Variants in HPRT1 observed in about 807,000 individuals in gnomAD.
HPRT1 encodes hypoxanthine-guanine phosphoribosyltransferase.
Under a neutral mutation model 19.0 loss-of-function variants are expected in HPRT1, and 4 were observed. The observed-to-expected ratio is 0.21, with a 90% CI of 0.10 to 0.48. The LOEUF is 0.48. Ranked by LOEUF, HPRT1 falls within the 20% of genes least tolerant of loss-of-function variation. The pLI is 0.98. For missense variants in HPRT1, 65 were observed against 164.0 expected (o/e 0.40, Z 3.30); for synonymous variants, 53 against 54.9 (o/e 0.97, Z 0.15).
At chrX:134,467,065 G>A (rs1326435432) in intron 1 of HPRT1, among the ~76,000 whole-genome samples, 1 of 13,563 alleles carries the variant, frequency 7.4e-5, no homozygotes, top group Non-Finnish European at 1.1e-4. Context: ...TTTTTTTTGT[G>A]ACGGAGTCTT....
At chrX:134,470,419 T>A (rs1267904034) in intron 1 of HPRT1, among the ~76,000 whole-genome samples, 1 of 112,132 alleles carries the variant, frequency 8.9e-6, no homozygotes, top group Non-Finnish European at 1.9e-5. Context: ...CTGAATTCCA[T>A]AAATAAGATT....
chrX:134,466,573 T>A (rs1253739657), intron 1 of HPRT1, among the ~76,000 whole-genome samples: 1 of 111,886 alleles, frequency 8.9e-6, no homozygotes, highest in Non-Finnish European at 1.9e-5. Context: ...TCCAAAACTG[T>A]GAGAAATAAG....
Position 134,490,041 on chromosome X carries a change from A to G in HPRT1, c.385-147A>G, listed in dbSNP as rs2077662556. 1.0e-5 allele frequency: 3 copies of G among 292,780 alleles called. No homozygotes were observed. The Admixed American group carries it at 1.8e-4, about 17-fold the overall frequency. The allele number at this position is 292,780 out of a possible 1,213,427, so 24.1% of individuals were successfully genotyped here. A position where few individuals can be genotyped will look rare whatever the true frequency, so the allele number is the denominator to read the frequency against. The stretch of plus-strand genomic sequence containing the variant: ...GCTTCCAAATCCCAGCAGATGGGCC[A>G]CTTGTTTAAAGGAGAGTTTGATATA... On this transcript the variant is annotated intron_variant, in intron 4 of 8. Coordinates refer to ENST00000298556, the MANE Select transcript of HPRT1 (RefSeq NM_000194.3).
chrX:134,493,454 A>G (rs905921577), intron 5 of HPRT1, 54 bp from the exon 6 acceptor site: 1 of 851,651 alleles, frequency 1.2e-6, no homozygotes, highest in African/African-American at 2.0e-5. Flanking sequence ...GGGTTTTGGT[A>G]CTTTATATTG....
intron 2 of HPRT1, 119 bp from the exon 3 acceptor site, chrX:134,475,060 TGC>T: frequency 2.0e-6 from 1 of 509,305 alleles, no homozygotes; most frequent in Non-Finnish European, 3.3e-6. Context: ...TTTTTTTTTT[TGC>T]AGGCATGGGG....
chrX:134,477,019 ATTTTATT>A (rs1171506202), intron 3 of HPRT1, among the ~76,000 whole-genome samples: 1 of 51,883 alleles, frequency 1.9e-5, no homozygotes, highest in Non-Finnish European at 3.0e-5. Context: ...TGATATGTTT[ATTTTATT>A]TTATTTTATT....
intron 1 of HPRT1, among the ~76,000 whole-genome samples, chrX:134,465,228 T>G (rs1318368799): frequency 9.0e-6 from 1 of 111,057 alleles, no homozygotes; most frequent in Non-Finnish European, 1.9e-5. Context: ...TTTTTTTCCT[T>G]TTTAACCACA....
chrX:134,475,005 C>T (rs1351638008), intron 2 of HPRT1, among the ~76,000 whole-genome samples, 176 bp from the exon 3 acceptor site: 2 of 110,695 alleles, frequency 1.8e-5, no homozygotes. Flanking sequence ...CCTCACCTCT[C>T]AAGTAGCTGG....
intron 4 of HPRT1, 42 bp downstream of exon 4, chrX:134,486,572 G>A (rs924284468): frequency 9.4e-6 from 7 of 742,294 alleles, no homozygotes; most frequent in African/African-American, 4.2e-5. Flanking sequence ...ACTTCATACC[G>A]AGTCAATTAG....
At chrX:134,490,732 T>C (rs1248181844) in intron 5 of HPRT1, among the ~76,000 whole-genome samples, 1 of 107,776 alleles carries the variant, frequency 9.3e-6, no homozygotes, top group Non-Finnish European at 1.9e-5. Context: ...AGACCAAAAG[T>C]ATTAATATCA....
At chrX:134,498,109 A>G (rs1433849480) in intron 6 of HPRT1, among the ~76,000 whole-genome samples, 1 of 111,772 alleles carries the variant, frequency 8.9e-6, no homozygotes, top group Admixed American at 9.5e-5. Flanking sequence ...GCTCCCCTTC[A>G]ATGGACACAT....
intron 1 of HPRT1, chrX:134,460,642 G>C (rs1422063141): frequency 1.1e-4 from 18 of 164,370 alleles, no homozygotes. Context: ...GTGCTGCGGG[G>C]AGGGGCCGAG....
At chrX:134,494,733 ATG>A (rs1173669692) in intron 6 of HPRT1, among the ~76,000 whole-genome samples, 1 of 112,118 alleles carries the variant, frequency 8.9e-6, no homozygotes, top group Non-Finnish European at 1.9e-5. Flanking sequence ...AGGGTTTTAA[ATG>A]TCAACCTACT....
At chrX:134,475,765 G>A (rs989352578) in intron 3 of HPRT1, among the ~76,000 whole-genome samples, 3 of 111,098 alleles carry the variant, frequency 2.7e-5, no homozygotes, top group Non-Finnish European at 3.8e-5. Flanking sequence ...GAGAGCTAGA[G>A]TATTGGCGAA....
At position 134,487,993 on chromosome X, in the gene HPRT1, TTC is replaced by T. The variant is rs752603038; in HGVS notation, c.384+1467_384+1468del. On this transcript the variant is annotated intron_variant, in intron 4 of 8. Transcript: ENST00000298556. ...ACTACATAGATTTGATCTGAAACAG[TTC>T]TCTGTTTCTAAAATAACTTTCTTTT... 1.3e-4 allele frequency among the ~76,000 whole-genome samples: 14 copies of T among 111,594 alleles called. No homozygotes were observed. The East Asian group carries it at 3.9e-3, about 31-fold the overall frequency.
At chrX:134,465,994 C>A (rs931998113) in intron 1 of HPRT1, among the ~76,000 whole-genome samples, 4 of 110,141 alleles carry the variant, frequency 3.6e-5, no homozygotes, top group African/African-American at 1.3e-4. Context: ...CTCCCACACC[C>A]CCCCCATACC....
rs1224624552 is a variant in HPRT1 at position 134,460,294 on chromosome X, G to T, written c.-18G>T. ...TCCTCCTCCTGAGCAGTCAGCCCGC[G>T]CGCCGGCCGGCTCCGTTATGGCGAC... On this transcript the variant is annotated 5_prime_UTR_variant, in exon 1 of 9. Transcript: ENST00000298556. The T allele has an allele frequency of 9.7e-6, 11 of 1,129,772 alleles. 1 individual carries two copies. The East Asian group carries it at 2.5e-4, about 26-fold the overall frequency. The allele number at this position is 1,129,772 out of a possible 1,213,427, so 93.1% of individuals were successfully genotyped here.
intron 5 of HPRT1, among the ~76,000 whole-genome samples, chrX:134,491,592 T>C (rs1274699857): frequency 9.0e-6 from 1 of 110,738 alleles, no homozygotes; most frequent in African/African-American, 3.3e-5. Context: ...GCTCCTTATT[T>C]CTCGTACCTG....
intron 1 of HPRT1, among the ~76,000 whole-genome samples, chrX:134,469,945 T>C (rs999854068): frequency 8.9e-6 from 1 of 112,617 alleles, no homozygotes; most frequent in East Asian, 2.8e-4. Flanking sequence ...TACTTAGTTG[T>C]TGTAAAATAT....
Sources: gnomAD v4.1 joint callset for allele counts (sites outside exome capture counted in the v4.1 genomes callset) on GRCh38, gnomAD v4.1.1 for gene constraint, MANE v1.5 for transcripts, NCBI Gene and HGNC (gene_info 2026-07-23, HGNC 2026-07-21) for gene names.